CPSF3: variants seen among roughly 807,000 people sequenced by gnomAD.
CPSF3 encodes cleavage and polyadenylation specific factor 3.
In CPSF3, 57 loss-of-function variants were observed where a neutral mutation model predicts 84.1. That is an observed-to-expected ratio of 0.68 (90% confidence interval 0.55 to 0.85). The LOEUF is 0.85. Among genes scored for constraint, CPSF3 ranks in the 40% least tolerant of loss-of-function variants. CPSF3 has a pLI of 0.00. For missense variants in CPSF3, 522 were observed against 838.8 expected, an observed-to-expected ratio of 0.62 and a Z score of 4.66; for synonymous variants, 275 against 278.1, an observed-to-expected ratio of 0.99 and a Z score of 0.11.
intron 16 of CPSF3, 97 bp downstream of exon 16, chr2:9,467,873 T>C: frequency 1.0e-6 from 1 of 952,846 alleles, no homozygotes; most frequent in South Asian, 1.4e-5. Flanking sequence ...GGGGCGTGGC[T>C]CTGGCCAGGC....
chr2:9,435,306 T>C (rs1168549506), intron 6 of CPSF3, among the ~76,000 whole-genome samples: 1 of 152,114 alleles, frequency 6.6e-6, no homozygotes, highest in Admixed American at 6.5e-5. Flanking sequence ...TTATCAGAGG[T>C]GGGAGAAATA....
At position 9,423,669 on chromosome 2, in the gene CPSF3, G is replaced by A; in HGVS notation, c.-105G>A. The A allele has an allele frequency of 7.0e-7, 1 of 1,426,338 alleles. No individual in the cohort carries two copies. Among genetic ancestry groups the A allele is most frequent in the South Asian group, 1.3e-5 (1 of 76,650 alleles). 88.4% of individuals were successfully genotyped at this position (1,426,338 alleles called of 1,614,324 possible). The stretch of plus-strand genomic sequence containing the variant: ...CCGGAGTGACGGAAGTTGTGCTCTT[G>A]GTGAATGGGGTTCTTCCTTTTTTAT... On this transcript the variant is annotated 5_prime_UTR_variant, in exon 1 of 18. Transcript: ENST00000238112.
rs968184221 is a variant in CPSF3, at chr2:9,470,679, G to A, written c.1857-664G>A. ...GGGAGCCATTTAAACCTAGATACCTGGATTTGAATGCCGGCTCAGCTGTTT... is the reference window on the plus strand; with the variant it reads ...GGGAGCCATTTAAACCTAGATACCTAGATTTGAATGCCGGCTCAGCTGTTT... On this transcript the variant is annotated intron_variant, in intron 16 of 17. Coordinates refer to ENST00000238112, the MANE Select transcript of CPSF3 (RefSeq NM_016207.4). Among the ~76,000 whole-genome samples the A allele has an allele frequency of 2.0e-5, 3 of 152,244 alleles. No individual in the cohort carries two copies. The South Asian group carries it at 6.2e-4, about 32-fold the overall frequency.
intron 7 of CPSF3, among the ~76,000 whole-genome samples, chr2:9,436,774 A>AATAATAATAATAAT: frequency 7.0e-6 from 1 of 143,036 alleles, no homozygotes; most frequent in African/African-American, 2.6e-5. Flanking sequence ...CCATCTCAAA[A>AATAATAATAATAAT]AATAATAATA....
chr2:9,441,687 T>G, intron 8 of CPSF3, 131 bp from the exon 9 acceptor site: 1 of 919,106 alleles, frequency 1.1e-6, no homozygotes, highest in African/African-American at 1.7e-5. Context: ...CTTAAAATGT[T>G]TACAGATCTT....
At chr2:9,468,619 C>CTTTTTT (rs5829213) in intron 16 of CPSF3, among the ~76,000 whole-genome samples, 12 of 108,324 alleles carry the variant, frequency 1.1e-4, no homozygotes, top group East Asian at 2.7e-4. Flanking sequence ...CTACACTGAC[C>CTTTTTT]TTTTTTTTTT....
intron 12 of CPSF3, among the ~76,000 whole-genome samples, chr2:9,454,072 AT>A: frequency 6.6e-6 from 1 of 152,210 alleles, no homozygotes. Flanking sequence ...GCTCAAGGTG[AT>A]TTACATGGTA....
At chr2:9,434,267 G>A (rs1340733003) in intron 6 of CPSF3, among the ~76,000 whole-genome samples, 1 of 151,734 alleles carries the variant, frequency 6.6e-6, no homozygotes, top group Non-Finnish European at 1.5e-5. Flanking sequence ...TACCTGGGAG[G>A]CTGAGGCACA....
At chr2:9,432,758 T>TA (rs139676758) in intron 5 of CPSF3, 70 bp downstream of exon 5, 5,795 of 1,124,064 alleles carry the variant, frequency 5.2e-3, no homozygotes, top group East Asian at 8.2e-3. Context: ...CAAGTACTAT[T>TA]AAAAAAAAAA....
rs1293926575 is a variant in CPSF3, at chr2:9,429,915, T to A, written c.115-8T>A. ...GGAGATTGTGATCTCTTTTCCTGTT[T>A]CTTTCAGCTCGACTGTGGGATCCAC... On this transcript the variant is annotated splice_polypyrimidine_tract_variant and splice_region_variant and intron_variant, in intron 2 of 17. Coordinates refer to ENST00000238112, the MANE Select transcript of CPSF3 (RefSeq NM_016207.4). 6.4e-7 allele frequency: 1 copy of A among 1,572,934 alleles called. No individual in the cohort carries two copies. The highest frequency in any genetic ancestry group is 8.6e-7 in the Non-Finnish European group (1 of 1,156,886).
rs952829340 is a variant in CPSF3, at chr2:9,471,400, A to C, written c.1914A>C (p.Thr638=). The C allele has an allele frequency of 5.0e-6, 8 of 1,612,394 alleles. No individual in the cohort carries two copies. The highest frequency in any genetic ancestry group is 2.7e-5 in the African/African-American group (2 of 74,904). ...SVKDDSILSV[T]VDGKTANLNL... ...AGGATGACTCTATTCTTAGCGTCACAGTGGACGGGAAAACTGCCAACCTTA... is the reference window on the plus strand; with the variant it reads ...AGGATGACTCTATTCTTAGCGTCACCGTGGACGGGAAAACTGCCAACCTTA... The change falls in exon 17 of 18, where the codon ACA becomes ACC. Residue 638 remains threonine (T), a synonymous_variant. Coordinates refer to ENST00000238112, the MANE Select transcript of CPSF3 (RefSeq NM_016207.4).
chr2:9,431,352 C>T (rs967742977), intron 4 of CPSF3, among the ~76,000 whole-genome samples: 17 of 152,268 alleles, frequency 1.1e-4, no homozygotes, highest in African/African-American at 4.1e-4. Flanking sequence ...CTGGCCTGGC[C>T]TTGAAGTCTT....
chr2:9,466,333 CG>C (rs770982132), intron 15 of CPSF3, among the ~76,000 whole-genome samples: 40,281 of 129,862 alleles, frequency 0.31, 6,084 homozygotes, highest in Non-Finnish European at 0.39. Context: ...CACAGACGCA[CG>C]CACACACGCG....
At chr2:9,442,388 A>T (rs1680982862) in intron 9 of CPSF3, among the ~76,000 whole-genome samples, 1 of 152,210 alleles carries the variant, frequency 6.6e-6, no homozygotes. Context: ...GCTCTTAGGG[A>T]TGTAGAAATT....
In CPSF3 at chr2:9,457,147, A is replaced by ATGTGTGTGTG. The variant is rs70948817; in HGVS notation, c.1698+155_1698+164dup. 1,260 of 333,970 alleles carry ATGTGTGTGTG rather than the reference A, an allele frequency of 3.8e-3. 8 individuals are homozygous for ATGTGTGTGTG. Among genetic ancestry groups the ATGTGTGTGTG allele is most frequent in the African/African-American group, 6.1e-3 (273 of 44,580 alleles). The allele number at this position is 333,970 out of a possible 1,614,324, so 20.7% of individuals were successfully genotyped here. On this transcript the variant is annotated intron_variant, in intron 14 of 17. Coordinates refer to ENST00000238112, the MANE Select transcript of CPSF3 (RefSeq NM_016207.4). ...GAAAAAGAATATTGTTGGAAAGTATATGTGTGTGTGTGTGTGTGTGTGTGT... is the reference window on the plus strand; with the variant it reads ...GAAAAAGAATATTGTTGGAAAGTATATGTGTGTGTGTGTGTGTGTGTGTGTGTGTGTGTGT...
At chr2:9,457,138 G>A in intron 14 of CPSF3, 111 bp downstream of exon 14, 1 of 446,886 alleles carries the variant, frequency 2.2e-6, no homozygotes. Context: ...GAATATTGTT[G>A]GAAAGTATAT....
chr2:9,471,555 T>C lies in CPSF3; in HGVS notation c.1953+116T>C, dbSNP rs1348329821. ...GTTGCATATTGGCATTTGCTTCCAG[T>C]GTTTCCAACATTTTTTTCACATTGT... On this transcript the variant is annotated intron_variant, in intron 17 of 17. Transcript: ENST00000238112. 3 of 684,818 alleles carry C rather than the reference T, an allele frequency of 4.4e-6. No homozygotes were observed. The East Asian group carries it at 7.8e-5, about 18-fold the overall frequency. 42.4% of individuals were successfully genotyped at this position (684,818 alleles called of 1,614,324 possible). A position where few individuals can be genotyped will look rare whatever the true frequency, so the allele number is the denominator to read the frequency against.
At chr2:9,466,840 C>A (rs1472851938) in intron 15 of CPSF3, among the ~76,000 whole-genome samples, 4 of 152,146 alleles carry the variant, frequency 2.6e-5, no homozygotes, top group Admixed American at 2.6e-4. Flanking sequence ...ATTGGTACTT[C>A]CTTCCTTTTT....
intron 15 of CPSF3, among the ~76,000 whole-genome samples, chr2:9,463,653 C>T (rs1681807814): frequency 6.6e-6 from 1 of 152,202 alleles, no homozygotes; most frequent in African/African-American, 2.4e-5. Context: ...TTATGCTGCT[C>T]ATGAGGAAGT....
Sources: gnomAD v4.1 joint callset for allele counts (sites outside exome capture counted in the v4.1 genomes callset) on GRCh38, gnomAD v4.1.1 for gene constraint, MANE v1.5 for transcripts, NCBI Gene and HGNC (gene_info 2026-07-23, HGNC 2026-07-21) for gene names.